DPP10: variants seen among roughly 807,000 people sequenced by gnomAD.
DPP10 encodes the protein dipeptidyl peptidase like 10.
DPP10 carries 33 observed loss-of-function variants against 120.9 expected under a neutral mutation model. The observed-to-expected ratio is 0.27, with a 90% CI of 0.21 to 0.37. The LOEUF (loss-of-function observed/expected upper bound fraction) is 0.37, where lower values mean the gene tolerates loss of function less well. Among genes scored for constraint, DPP10 ranks in the 10% least tolerant of loss-of-function variants. The probability of loss-of-function intolerance (pLI) is 1.00; values close to 1 mark genes in which losing one functional copy is unlikely to be tolerated. For missense variants in DPP10, 816 were observed against 942.8 expected (o/e 0.87, Z 1.76); for synonymous variants, 337 against 326.1 (o/e 1.03, Z -0.36).
chr2:115,077,429 A>T (rs775670068), intron 1 of DPP10, among the ~76,000 whole-genome samples: 1 of 152,096 alleles, frequency 6.6e-6, no homozygotes, highest in Non-Finnish European at 1.5e-5. Context: ...ATGACATCTA[A>T]CCTCACCGGA....
chr2:115,402,758 C>T (rs945111623), intron 3 of DPP10, among the ~76,000 whole-genome samples: 1 of 148,168 alleles, frequency 6.7e-6, no homozygotes, highest in Non-Finnish European at 1.5e-5. Flanking sequence ...TTCAAAAAAA[C>T]TGAAGTATAA....
At chr2:115,234,961 T>C (rs913481981) in intron 1 of DPP10, among the ~76,000 whole-genome samples, 4 of 152,156 alleles carry the variant, frequency 2.6e-5, no homozygotes, top group African/African-American at 7.2e-5. Flanking sequence ...CCTTGAAGGG[T>C]AAATTTATGA....
chr2:115,208,667 A>C (rs1347205658), intron 1 of DPP10, among the ~76,000 whole-genome samples: 1 of 152,010 alleles, frequency 6.6e-6, no homozygotes, highest in Non-Finnish European at 1.5e-5. Flanking sequence ...TGGGTGAATA[A>C]TATGTGGAAA....
At chr2:115,468,118 AG>A in intron 3 of DPP10, 1 of 487,420 alleles carries the variant, frequency 2.1e-6, no homozygotes. Flanking sequence ...TTCTTACAGC[AG>A]GAACCCACTT....
intron 1 of DPP10, among the ~76,000 whole-genome samples, chr2:115,155,079 TG>T (rs200360702): frequency 0.024 from 3,673 of 151,804 alleles, 48 homozygotes; most frequent in African/African-American, 0.033. Flanking sequence ...TTTTTTTTTT[TG>T]GTATTCTTAG....
intron 1 of DPP10, among the ~76,000 whole-genome samples, chr2:114,570,934 G>A (rs1253551467): frequency 6.6e-6 from 1 of 151,538 alleles, no homozygotes; most frequent in African/African-American, 2.4e-5. Flanking sequence ...TATAAACTCT[G>A]TGAAAGGCTG....
Position 114,609,326 on chromosome 2 carries a change from T to A in DPP10, c.60+166488T>A, listed in dbSNP as rs1030262665. Among the ~76,000 whole-genome samples, 10 of 152,216 alleles carry A rather than the reference T, an allele frequency of 6.6e-5. 1 individual carries two copies. Among genetic ancestry groups the A allele is most frequent in the Admixed American group, 5.9e-4 (9 of 15,282 alleles). On this transcript the variant is annotated intron_variant, in intron 1 of 25. Transcript: ENST00000410059. The stretch of plus-strand genomic sequence containing the variant: ...AAAAGAGATAAATATCCTTGACTTG[T>A]GTCTCCCTAGGCCAACATTTATCCC...
At chr2:115,112,636 C>T (rs1472924883) in intron 1 of DPP10, among the ~76,000 whole-genome samples, 2 of 152,130 alleles carry the variant, frequency 1.3e-5, no homozygotes, top group Admixed American at 1.3e-4. Context: ...TGCATGATCT[C>T]ACTTATATGT....
chr2:115,012,176 C>T (rs951769506), intron 1 of DPP10, among the ~76,000 whole-genome samples: 4 of 152,120 alleles, frequency 2.6e-5, no homozygotes, highest in Admixed American at 1.3e-4. Flanking sequence ...CCTATCCCTG[C>T]CCCTACCCTG....
At chr2:115,509,681 CAAAA>C (rs2077125548) in intron 4 of DPP10, among the ~76,000 whole-genome samples, 1 of 151,934 alleles carries the variant, frequency 6.6e-6, no homozygotes, top group South Asian at 2.1e-4. Flanking sequence ...CAAAATAAAA[CAAAA>C]GAACACAAAA....
intron 1 of DPP10, among the ~76,000 whole-genome samples, chr2:114,927,148 CA>C (rs1695696269): frequency 6.6e-6 from 1 of 152,004 alleles, no homozygotes; most frequent in African/African-American, 2.4e-5. Context: ...CGCACCTGGC[CA>C]GGGGAAGATA....
intron 1 of DPP10, among the ~76,000 whole-genome samples, chr2:115,108,079 A>G (rs1422071839): frequency 6.6e-6 from 1 of 152,184 alleles, no homozygotes; most frequent in Non-Finnish European, 1.5e-5. Flanking sequence ...ACTGGTTTTC[A>G]CTTTCACCAG....
rs574182877 is a variant in DPP10, at chr2:115,278,183, T to C, written c.61-31056T>C. 4.9e-4 allele frequency among the ~76,000 whole-genome samples: 74 copies of C among 152,318 alleles called. 1 individual carries two copies. Among genetic ancestry groups the C allele is most frequent in the African/African-American group, 1.5e-3 (62 of 41,572 alleles). On this transcript the variant is annotated intron_variant, in intron 1 of 25. Coordinates refer to ENST00000410059, the MANE Select transcript of DPP10 (RefSeq NM_020868.6). ...ATAATGTGTTTCCTTGGTAGAAAGA[T>C]GGTTGTGAGGGTTCAGTGCAATCAT...
chr2:115,840,907 A>C, intron 25 of DPP10, 84 bp downstream of exon 25: 1 of 1,091,590 alleles, frequency 9.2e-7, no homozygotes, highest in South Asian at 1.5e-5. Flanking sequence ...CTATTATTCC[A>C]TTCTCCCTAC....
intron 5 of DPP10, among the ~76,000 whole-genome samples, chr2:115,590,476 G>T (rs535553577): frequency 1.8e-4 from 27 of 152,224 alleles, no homozygotes; most frequent in African/African-American, 6.5e-4. Flanking sequence ...CTTCATCCAT[G>T]TCCCTACAAA....
intron 21 of DPP10, 112 bp downstream of exon 21, chr2:115,815,841 G>A (rs1005099211): frequency 1.4e-5 from 15 of 1,081,074 alleles, no homozygotes; most frequent in Non-Finnish European, 2.1e-5. Context: ...ATATTGACTG[G>A]GATTCCATAC....
chr2:115,108,471 C>A (rs1243682816), intron 1 of DPP10, among the ~76,000 whole-genome samples: 2 of 152,156 alleles, frequency 1.3e-5, no homozygotes, highest in East Asian at 1.9e-4. Flanking sequence ...AAATCCAATT[C>A]TTTATGTCAA....
intron 1 of DPP10, among the ~76,000 whole-genome samples, chr2:114,472,619 T>A (rs766573845): frequency 1.3e-5 from 2 of 152,184 alleles, no homozygotes; most frequent in Non-Finnish European, 2.9e-5. Context: ...GATATTATTA[T>A]CTCAGGGGAC....
At chr2:114,752,897 T>C (rs1023664565) in intron 1 of DPP10, among the ~76,000 whole-genome samples, 1 of 152,190 alleles carries the variant, frequency 6.6e-6, no homozygotes, top group African/African-American at 2.4e-5. Flanking sequence ...AGATTGTCAA[T>C]GGATTTCTTA....
Sources: gnomAD v4.1 joint callset for allele counts (sites outside exome capture counted in the v4.1 genomes callset) on GRCh38, gnomAD v4.1.1 for gene constraint, MANE v1.5 for transcripts, NCBI Gene and HGNC (gene_info 2026-07-23, HGNC 2026-07-21) for gene names.